ASXL2: variants seen among roughly 807,000 people sequenced by gnomAD.
ASXL2 encodes the protein ASXL transcriptional regulator 2.
ASXL2 carries 23 observed loss-of-function variants against 122.0 expected under a neutral mutation model. The observed-to-expected ratio is 0.19, with a 90% confidence interval of 0.14 to 0.27. The LOEUF (loss-of-function observed/expected upper bound fraction) is 0.27, where lower values mean the gene tolerates loss of function less well. ASXL2 is among the 10% of genes least tolerant of loss of function. The pLI is 1.00. For missense variants in ASXL2, 1,518 were observed against 1,713.8 expected (o/e 0.89, Z 2.02); for synonymous variants, 650 against 637.0 (o/e 1.02, Z -0.31).
At chr2:25,759,767 G>A (rs1248956930) in intron 8 of ASXL2, 122 bp from the exon 9 acceptor site, 1 of 991,138 alleles carries the variant, frequency 1.0e-6, no homozygotes, top group African/African-American at 1.6e-5. Context: ...ACACTACGAA[G>A]AAGGTAACAC....
intron 3 of ASXL2, among the ~76,000 whole-genome samples, chr2:25,826,373 T>C (rs1051448648): frequency 6.6e-6 from 1 of 152,182 alleles, no homozygotes; most frequent in African/African-American, 2.4e-5. Context: ...CTCACTGGCA[T>C]TCCATGCTGC....
intron 3 of ASXL2, among the ~76,000 whole-genome samples, chr2:25,819,471 G>A (rs1020471119): frequency 2.0e-5 from 3 of 152,068 alleles, no homozygotes; most frequent in African/African-American, 7.2e-5. Flanking sequence ...AGTAATCACA[G>A]TTACCATCAC....
Position 25,864,632 on chromosome 2 carries a change from C to T in ASXL2, c.57+13534G>A, listed in dbSNP as rs76793566. Among the ~76,000 whole-genome samples the T allele has an allele frequency of 4.4e-3, 667 of 151,794 alleles. 11 individuals carry two copies. The highest frequency in any genetic ancestry group is 0.016 in the African/African-American group (642 of 41,338). ...TCTTTTACTTAATCACAGAAAACAT[C>T]AAGTCAAAGTAGTATATCTCAAACT... On this transcript the variant is annotated intron_variant, in intron 1 of 12. Coordinates refer to ENST00000435504, the MANE Select transcript of ASXL2 (RefSeq NM_018263.6).
intron 3 of ASXL2, among the ~76,000 whole-genome samples, chr2:25,809,135 CA>C (rs571453454): frequency 4.1e-4 from 63 of 152,214 alleles, no homozygotes; most frequent in African/African-American, 1.4e-3. Context: ...ATGGCTAAAT[CA>C]GTGGCAAAAC....
intron 3 of ASXL2, among the ~76,000 whole-genome samples, chr2:25,831,999 G>C (rs1254289023): frequency 1.3e-5 from 2 of 152,126 alleles, no homozygotes; most frequent in Non-Finnish European, 2.9e-5. Context: ...TGATGAAACA[G>C]CTTCAGACTA....
At chr2:25,777,812 T>G (rs2088573360) in intron 5 of ASXL2, among the ~76,000 whole-genome samples, 1 of 152,174 alleles carries the variant, frequency 6.6e-6, no homozygotes, top group African/African-American at 2.4e-5. Flanking sequence ...TTCTTTCTAC[T>G]CCTACCTAAA....
chr2:25,804,503 G>A (rs1198553829), intron 4 of ASXL2, among the ~76,000 whole-genome samples: 2 of 152,250 alleles, frequency 1.3e-5, no homozygotes, highest in Admixed American at 6.5e-5. Flanking sequence ...ACAGCTTGCA[G>A]AGTGCAGGTT....
chr2:25,828,836 A>AC (rs1440927392), intron 3 of ASXL2, among the ~76,000 whole-genome samples: 2 of 151,218 alleles, frequency 1.3e-5, no homozygotes, highest in Non-Finnish European at 3.0e-5. Flanking sequence ...AAAAAAAAAA[A>AC]AAAAAAAAAA....
At chr2:25,820,262 T>A (rs1440747945) in intron 3 of ASXL2, among the ~76,000 whole-genome samples, 4 of 152,156 alleles carry the variant, frequency 2.6e-5, no homozygotes, top group Non-Finnish European at 4.4e-5. Flanking sequence ...CTACAATTTA[T>A]CCTCAGACAT....
At chr2:25,746,124 T>TA (rs908139822) in intron 12 of ASXL2, among the ~76,000 whole-genome samples, 10 of 151,630 alleles carry the variant, frequency 6.6e-5, no homozygotes, top group African/African-American at 9.7e-5. Context: ...AGCATTTAAT[T>TA]AAAAAAAAAT....
At chr2:25,765,765 T>C (rs1303460312) in intron 8 of ASXL2, among the ~76,000 whole-genome samples, 1 of 152,188 alleles carries the variant, frequency 6.6e-6, no homozygotes, top group Non-Finnish European at 1.5e-5. Flanking sequence ...TGATTTTAAG[T>C]AGAATATGCG....
rs1486017720 is a variant in ASXL2, at chr2:25,741,255, CAG to C, written c.*772_*773del. 1 of 225,818 alleles carries C rather than the reference CAG, an allele frequency of 4.4e-6. No individual in the cohort carries two copies. The highest frequency in any genetic ancestry group is 8.8e-6 in the Non-Finnish European group (1 of 113,568). 14.0% of individuals were successfully genotyped at this position (225,818 alleles called of 1,614,324 possible). On this transcript the variant is annotated 3_prime_UTR_variant, in exon 13 of 13. Transcript: ENST00000435504. ...CAGCCTGTAACAACACAGGGGGTCC[CAG>C]AGAGGCACTCCCTTCACGGACTACA...
At position 25,837,095 on chromosome 2, in the gene ASXL2, G is replaced by T. The variant is rs1165132586; in HGVS notation, c.141-1555C>A. On this transcript the variant is annotated intron_variant, in intron 2 of 12. Transcript: ENST00000435504. ...ACTCCAAAGGGGGGTGGGGGGGGGG[G>T]GCGTGGGAAGCACTAAAGGCAATAG... is the stretch of plus-strand genomic sequence containing the variant. Among the ~76,000 whole-genome samples, 6 of 112,658 alleles carry T rather than the reference G, an allele frequency of 5.3e-5. No individual in the cohort carries two copies. The East Asian group carries it at 9.2e-4, about 17-fold the overall frequency. 73.9% of individuals were successfully genotyped at this position (112,658 alleles called of 152,430 possible).
intron 8 of ASXL2, among the ~76,000 whole-genome samples, chr2:25,766,024 ATTG>A (rs990486068): frequency 2.0e-5 from 3 of 152,172 alleles, no homozygotes; most frequent in African/African-American, 7.2e-5. Context: ...TGTTTAAATT[ATTG>A]TTAATTCTGT....
chr2:25,797,005 C>T (rs2088920784), intron 5 of ASXL2, among the ~76,000 whole-genome samples: 1 of 152,122 alleles, frequency 6.6e-6, no homozygotes, highest in South Asian at 2.1e-4. Context: ...CATAACATAA[C>T]ATTGAAGAAA....
intron 3 of ASXL2, among the ~76,000 whole-genome samples, chr2:25,816,404 A>G (rs1040936812): frequency 6.6e-6 from 1 of 152,214 alleles, no homozygotes; most frequent in African/African-American, 2.4e-5. Context: ...AGTAAGTGAA[A>G]TATATTTCCC....
chr2:25,846,240 C>A (rs927742185), intron 1 of ASXL2, among the ~76,000 whole-genome samples: 1 of 152,128 alleles, frequency 6.6e-6, no homozygotes. Context: ...TGGGTTTTTC[C>A]CCCCTTTCCT....
chr2:25,762,667 A>AAT (rs2088275471), intron 8 of ASXL2, among the ~76,000 whole-genome samples: 1 of 65,442 alleles, frequency 1.5e-5, no homozygotes, highest in South Asian at 5.7e-4. Flanking sequence ...TCTTTCTCGA[A>AAT]AAAAAAAAAA....
chr2:25,764,074 T>C (rs2088298806), intron 8 of ASXL2, among the ~76,000 whole-genome samples: 1 of 152,170 alleles, frequency 6.6e-6, no homozygotes, highest in Non-Finnish European at 1.5e-5. Flanking sequence ...AAAAACAGTG[T>C]CTAAGAGGTA....
Sources: gnomAD v4.1 joint callset for allele counts (sites outside exome capture counted in the v4.1 genomes callset) on GRCh38, gnomAD v4.1.1 for gene constraint, MANE v1.5 for transcripts, NCBI Gene and HGNC (gene_info 2026-07-23, HGNC 2026-07-21) for gene names.